NLRP3: variants seen among roughly 807,000 people sequenced by gnomAD.
The protein encoded by NLRP3 is NACHT, LRR and PYD domains-containing protein 3.
Under a neutral mutation model 91.3 loss-of-function variants are expected in NLRP3, and 48 were observed. The ratio of observed to expected loss-of-function variants is 0.53; its 90% CI spans 0.42 to 0.67. The LOEUF (loss-of-function observed/expected upper bound fraction) is 0.67, where lower values mean the gene tolerates loss of function less well. Among genes scored for constraint, NLRP3 ranks in the 30% least tolerant of loss-of-function variants. The pLI is 0.00. For synonymous variants in NLRP3, 561 were observed against 507.9 expected, an observed-to-expected ratio of 1.10 and a Z score of -1.41; for missense variants, 982 against 1,276.9, an observed-to-expected ratio of 0.77 and a Z score of 3.52.
chr1:247,436,196 T>C (rs1663781597), intron 7 of NLRP3, 56 bp downstream of exon 7: 2 of 1,577,420 alleles, frequency 1.3e-6, no homozygotes, highest in East Asian at 4.5e-5. Context: ...AGGTGAATTA[T>C]TTGGAAAATG....
Position 247,429,753 on chromosome 1 carries a change from G to A in NLRP3, c.2319G>A (p.Leu773=). ...ATCCTGGCTGTAACATTCGGAGATT[G>A]TGGTGAGTCCCCGTGCATGTGATCT... The part of the protein sequence containing the change: ...LQHPGCNIRR[L]WLGRCGLSHE... Residue 773 remains leucine, a splice_region_variant and synonymous_variant, in exon 5 of 10, where the codon TTG becomes TTA. Transcript: ENST00000336119. 6.2e-7 allele frequency: 1 copy of A among 1,613,668 alleles called. No homozygotes were observed. Among genetic ancestry groups the A allele is most frequent in the South Asian group, 1.1e-5 (1 of 91,054 alleles).
chr1:247,430,002 G>A (rs1663191203), intron 5 of NLRP3, among the ~76,000 whole-genome samples: 1 of 152,050 alleles, frequency 6.6e-6, no homozygotes, highest in Admixed American at 6.6e-5. Flanking sequence ...AGCCTCCTGA[G>A]TAGCTGGGAT....
At chr1:247,437,960 G>C (rs975197722) in intron 7 of NLRP3, among the ~76,000 whole-genome samples, 3 of 152,220 alleles carry the variant, frequency 2.0e-5, no homozygotes, top group Non-Finnish European at 4.4e-5. Context: ...AGTGATCCTG[G>C]TTCCAAATTC....
intron 5 of NLRP3, among the ~76,000 whole-genome samples, chr1:247,431,929 C>T (rs953447520): frequency 2.6e-4 from 39 of 151,996 alleles, no homozygotes; most frequent in African/African-American, 8.9e-4. Flanking sequence ...GATGGACTCT[C>T]GCCGTGTTGC....
At chr1:247,443,117 C>T (rs913409874) in intron 7 of NLRP3, among the ~76,000 whole-genome samples, 5 of 152,072 alleles carry the variant, frequency 3.3e-5, no homozygotes, top group Non-Finnish European at 7.4e-5. Flanking sequence ...TAGAGATGGG[C>T]TTTCACCATG....
rs200269703 is a variant in NLRP3 at position 247,424,772 on chromosome 1, C to T, written c.1323C>T (p.Tyr441=). 5.6e-5 allele frequency: 90 copies of T among 1,611,950 alleles called. No homozygotes were observed. Among genetic ancestry groups the T allele is most frequent in the Middle Eastern group, 3.3e-4 (2 of 6,084 alleles). Residue 441 remains tyrosine (Y), a synonymous_variant, in exon 4 of 10, where the codon TAC becomes TAT. Transcript: ENST00000336119. This position sits in a 1 kb window ranked among gnomAD's most constrained non-coding sequence, Gnocchi z 8.1. ...AQTSKTTTAV[Y]VFFLSSLLQP... is the part of the protein sequence containing the mutation. ...CATCCAAGACCACCACCGCGGTGTA[C>T]GTCTTCTTCCTTTCCAGTTTGCTGC... is the stretch of plus-strand genomic sequence containing the variant.
intron 6 of NLRP3, 116 bp from the exon 7 acceptor site, chr1:247,435,854 C>G (rs1335739132): frequency 1.1e-5 from 10 of 932,982 alleles, no homozygotes; most frequent in Non-Finnish European, 1.7e-5. Context: ...GAGCTTGTGT[C>G]CACTCCCTTT....
intron 3 of NLRP3, among the ~76,000 whole-genome samples, chr1:247,423,626 G>C (rs528041959): frequency 6.6e-6 from 1 of 152,162 alleles, no homozygotes; most frequent in Non-Finnish European, 1.5e-5. Context: ...AATGATCTTT[G>C]GGCTGGTAGC....
In NLRP3 at chr1:247,418,858, T is replaced by C. The variant is rs549742778; in HGVS notation, c.58T>C (p.Leu20=). The C allele has an allele frequency of 6.2e-7, 1 of 1,614,090 alleles. No homozygotes were observed. The highest frequency in any genetic ancestry group is 1.3e-5 in the African/African-American group (1 of 75,008). ...RYLEDLEDVD[L]KKFKMHLEDY... ...CCTGGAGGACCTGGAGGATGTGGAC[T>C]TGAAGAAATTTAAGATGCACTTAGA... Residue 20 remains leucine, a synonymous_variant, in exon 2 of 10, where the codon TTG becomes CTG. Transcript: ENST00000336119.
chr1:247,417,382 A>G (rs1558183852), intron 1 of NLRP3, among the ~76,000 whole-genome samples: 1 of 152,238 alleles, frequency 6.6e-6, no homozygotes, highest in Non-Finnish European at 1.5e-5. Context: ...GTGAGTGCCT[A>G]GCCTGTGGAA....
At chr1:247,422,090 T>C (rs1662500449) in intron 2 of NLRP3, among the ~76,000 whole-genome samples, 1 of 152,194 alleles carries the variant, frequency 6.6e-6, no homozygotes, top group Admixed American at 6.5e-5. Context: ...GTCAGAGGTC[T>C]TTTATGGGCT....
intron 5 of NLRP3, among the ~76,000 whole-genome samples, chr1:247,430,383 T>C (rs933952528): frequency 1.3e-5 from 2 of 152,082 alleles, no homozygotes; most frequent in African/African-American, 4.8e-5. Context: ...AGTGGCCTAG[T>C]CTCCTCTTCT....
chr1:247,434,465 A>G (rs903320202), intron 6 of NLRP3, among the ~76,000 whole-genome samples, 192 bp downstream of exon 6: 2 of 152,130 alleles, frequency 1.3e-5, no homozygotes, highest in East Asian at 3.9e-4. Flanking sequence ...CACACACTCA[A>G]CCCTGACAAG....
intron 2 of NLRP3, among the ~76,000 whole-genome samples, chr1:247,419,299 CA>C (rs1662289515): frequency 6.6e-6 from 1 of 151,976 alleles, no homozygotes; most frequent in South Asian, 2.1e-4. Context: ...GGATTACAGG[CA>C]TTGCACCTCC....
Position 247,444,757 on chromosome 1 carries a change from G to T in NLRP3, c.2941G>T (p.Asp981Tyr), listed in dbSNP as rs1264236206. 6.2e-7 allele frequency: 1 copy of T among 1,614,146 alleles called. No individual in the cohort carries two copies. Among genetic ancestry groups the T allele is most frequent in the Non-Finnish European group, 8.5e-7 (1 of 1,180,022 alleles). The change falls in exon 9 of 10, where the codon GAC becomes TAC. Residue 981 changes from aspartate to tyrosine, a missense_variant. By Grantham distance (160) the Asp-to-Tyr change is radical. Transcript: ENST00000336119. ...KLSLGNNDLG[D>Y]LGVMMFCEVL... is the part of the protein sequence containing the mutation. ...GAGCCTGGGCAACAATGACCTGGGCGACCTGGGGGTCATGATGTTCTGTGA... is the reference window on the plus strand; with the variant it reads ...GAGCCTGGGCAACAATGACCTGGGCTACCTGGGGGTCATGATGTTCTGTGA...
chr1:247,444,355 C>G (rs1280407708), intron 8 of NLRP3, among the ~76,000 whole-genome samples: 1 of 151,988 alleles, frequency 6.6e-6, no homozygotes, highest in African/African-American at 2.4e-5. Context: ...TTCTGTACCA[C>G]AAAACAAGGA....
At chr1:247,436,730 C>T (rs1346105413) in intron 7 of NLRP3, among the ~76,000 whole-genome samples, 1 of 152,188 alleles carries the variant, frequency 6.6e-6, no homozygotes, top group Non-Finnish European at 1.5e-5. Context: ...TATGGTTTCA[C>T]TGGTGGAATC....
intron 7 of NLRP3, among the ~76,000 whole-genome samples, chr1:247,438,306 G>T (rs1410947885): frequency 6.6e-6 from 1 of 150,984 alleles, no homozygotes; most frequent in Non-Finnish European, 1.5e-5. Context: ...TAATGTTATA[G>T]CTTCCCCCTC....
Position 247,424,403 on chromosome 1 carries a change from T to C in NLRP3, c.954T>C (p.Thr318=), listed in dbSNP as rs1662707115. The change falls in exon 4 of 10, where the codon ACT becomes ACC. Residue 318 remains threonine (T), a synonymous_variant. Transcript: ENST00000336119. This position sits in a 1 kb window ranked among gnomAD's most constrained non-coding sequence, Gnocchi z 8.1. ...ACGAGCACATAGGACCGCTCTGCACTGACTGGCAGAAGGCCGAGCGGGGAG... is the reference window on the plus strand; with the variant it reads ...ACGAGCACATAGGACCGCTCTGCACCGACTGGCAGAAGGCCGAGCGGGGAG... The part of the protein sequence containing the change: ...AFDEHIGPLC[T]DWQKAERGDI... 1 of 1,613,974 alleles carries C rather than the reference T, an allele frequency of 6.2e-7. No homozygotes were observed. Among genetic ancestry groups the C allele is most frequent in the Non-Finnish European group, 8.5e-7 (1 of 1,180,002 alleles).
Sources: allele counts gnomAD v4.1 joint callset (sites outside exome capture counted in the v4.1 genomes callset), GRCh38; gene constraint gnomAD v4.1.1; non-coding constraint Gnocchi (gnomAD v3.1); transcripts MANE v1.5; gene names NCBI Gene and HGNC (gene_info 2026-07-23, HGNC 2026-07-21).